The following AFMID variants were observed in gnomAD, a reference collection of about 807,000 sequenced individuals.
AFMID encodes kynurenine formamidase.
AFMID carries 39 observed loss-of-function variants against 47.5 expected under a neutral mutation model. The observed-to-expected ratio is 0.82, with a 90% confidence interval of 0.64 to 1.07. The LOEUF (loss-of-function observed/expected upper bound fraction) is 1.07. AFMID is among the 50% of genes least tolerant of loss of function. The probability of loss-of-function intolerance (pLI) is 0.00; values close to 1 mark genes in which losing one functional copy is unlikely to be tolerated. For missense variants in AFMID, 375 were observed against 387.5 expected (o/e 0.97, Z 0.27); for synonymous variants, 130 against 153.2 (o/e 0.85, Z 1.12).
chr17:78,187,904 A>T (rs2075841019), intron 1 of AFMID, among the ~76,000 whole-genome samples: 2 of 146,202 alleles, frequency 1.4e-5, no homozygotes, highest in Non-Finnish European at 3.0e-5. Context: ...GTGAGCCGAG[A>T]TCATGCCATT....
chr17:78,206,596 G>A (rs539894192), intron 10 of AFMID, among the ~76,000 whole-genome samples: 336 of 151,720 alleles, frequency 2.2e-3, no homozygotes, highest in African/African-American at 7.2e-3. Flanking sequence ...TTGTAGAGAT[G>A]GGGTCTCTCT....
intron 6 of AFMID, 71 bp from the exon 7 acceptor site, chr17:78,205,022 C>T: frequency 6.4e-7 from 1 of 1,561,254 alleles, no homozygotes; most frequent in Non-Finnish European, 8.8e-7. Flanking sequence ...CAAATTGGGA[C>T]TCTTCGAAGG....
At position 78,187,452 on chromosome 17, in the gene AFMID, G is replaced by A; in HGVS notation, c.63+19G>A. Reference sequence around the variant, plus strand: ...TGCAGAGGTAGGTGGATTGCAGGGAGGGACTAAGGGGCTGGGGCGGAGTTA... The same window carrying A: ...TGCAGAGGTAGGTGGATTGCAGGGAAGGACTAAGGGGCTGGGGCGGAGTTA... On this transcript the variant is annotated intron_variant, in intron 1 of 10. Transcript: ENST00000409257. 1.9e-6 allele frequency: 3 copies of A among 1,613,612 alleles called. No homozygotes were observed. The highest frequency in any genetic ancestry group is 2.5e-6 in the Non-Finnish European group (3 of 1,179,722).
intron 4 of AFMID, 119 bp from the exon 5 acceptor site, chr17:78,204,537 G>A (rs979057261): frequency 2.6e-5 from 24 of 927,474 alleles, no homozygotes; most frequent in Non-Finnish European, 3.6e-5. Context: ...TCTCACATGG[G>A]ACCAGAAAGG....
intron 4 of AFMID, chr17:78,203,055 C>CTTTTT (rs56016227): frequency 1.2e-4 from 13 of 111,124 alleles, no homozygotes; most frequent in African/African-American, 1.5e-4. Context: ...CTTCCTCTCT[C>CTTTTT]TTTTTTTTTT....
chr17:78,194,989 C>T (rs554489735), intron 2 of AFMID, among the ~76,000 whole-genome samples: 3 of 151,798 alleles, frequency 2.0e-5, no homozygotes, highest in Non-Finnish European at 4.4e-5. Flanking sequence ...CCACCGTACC[C>T]GGCCCAAAAA....
At chr17:78,192,084 C>T (rs1016779499) in intron 2 of AFMID, among the ~76,000 whole-genome samples, 8 of 151,028 alleles carry the variant, frequency 5.3e-5, no homozygotes, top group South Asian at 2.1e-4. Flanking sequence ...CCGCTAACTT[C>T]GCCTCCTGAG....
At chr17:78,192,191 A>G (rs763385169) in intron 2 of AFMID, among the ~76,000 whole-genome samples, 187 of 126,518 alleles carry the variant, frequency 1.5e-3, no homozygotes, top group Middle Eastern at 6.3e-3. Flanking sequence ...TTTTTTTTTT[A>G]GTAGAGATAT....
chr17:78,207,273 CTTTTTT>C lies in AFMID; in HGVS notation c.*359_*364del, dbSNP rs1163959276. ...ACGCTCAAAAGTAATGCCATTACTT[CTTTTTT>C]TTTTTTTTTTTTTTTTTTTTTTGAG... is the stretch of plus-strand genomic sequence containing the variant. On this transcript the variant is annotated 3_prime_UTR_variant, in exon 11 of 11. Transcript: ENST00000409257. The C allele has an allele frequency of 2.1e-3, 180 of 85,310 alleles. No individual in the cohort carries two copies. The highest frequency in any genetic ancestry group is 6.6e-3 in the South Asian group (33 of 5,012). The allele number at this position is 85,310 out of a possible 1,614,324, so 5.3% of individuals were successfully genotyped here. A position where few individuals can be genotyped will look rare whatever the true frequency, so the allele number is the denominator to read the frequency against.
rs774187523 is a variant in AFMID, at chr17:78,197,097, A to G, written c.155-5402A>G. 6.8e-6 allele frequency: 10 copies of G among 1,480,630 alleles called. No individual in the cohort carries two copies. The South Asian group carries it at 7.3e-5, about 11-fold the overall frequency. The allele number at this position is 1,480,630 out of a possible 1,614,324, so 91.7% of individuals were successfully genotyped here. On this transcript the variant is annotated intron_variant, in intron 2 of 10. Transcript: ENST00000409257. ...CCATTCCACTTAGAACATAAATTCC[A>G]TGATGTTTTTCTTAATCGTAGCACA...
chr17:78,202,829 C>A (rs2076282424), intron 4 of AFMID, 78 bp downstream of exon 4: 6 of 1,506,212 alleles, frequency 4.0e-6, no homozygotes, highest in Middle Eastern at 2.3e-4. Flanking sequence ...AGGGCTGCCG[C>A]AACCAAACTG....
At chr17:78,191,482 A>G (rs142522254) in intron 2 of AFMID, among the ~76,000 whole-genome samples, 14,229 of 152,094 alleles carry the variant, frequency 0.094, 1,316 homozygotes, top group African/African-American at 0.24. Context: ...CCAGGAGTTC[A>G]AGACCAGCCT....
chr17:78,188,684 C>T (rs2075872969), intron 1 of AFMID, among the ~76,000 whole-genome samples: 1 of 152,090 alleles, frequency 6.6e-6, no homozygotes, highest in East Asian at 1.9e-4. Context: ...GCAACCTCTT[C>T]TTCCAGGGTT....
At chr17:78,192,950 C>CA (rs1450415001) in intron 2 of AFMID, among the ~76,000 whole-genome samples, 1 of 152,162 alleles carries the variant, frequency 6.6e-6, no homozygotes, top group Non-Finnish European at 1.5e-5. Context: ...GCAATTCCAC[C>CA]ATCCTCCTGT....
chr17:78,198,301 T>C (rs1054135371), intron 2 of AFMID, among the ~76,000 whole-genome samples: 1 of 151,642 alleles, frequency 6.6e-6, no homozygotes, highest in Non-Finnish European at 1.5e-5. Context: ...TTACTAAAAA[T>C]ACAAAAATTC....
intron 4 of AFMID, chr17:78,204,023 C>CA (rs11308034): frequency 0.024 from 2,249 of 93,356 alleles, 72 homozygotes; most frequent in African/African-American, 0.079. Context: ...GACTCTGTCT[C>CA]AAAAAAAAAA....
At chr17:78,198,354 T>G (rs2076161746) in intron 2 of AFMID, among the ~76,000 whole-genome samples, 1 of 151,628 alleles carries the variant, frequency 6.6e-6, no homozygotes, top group African/African-American at 2.4e-5. Flanking sequence ...ATCCCAGCAC[T>G]TTGGGAGGCC....
intron 2 of AFMID, among the ~76,000 whole-genome samples, 158 bp from the exon 3 acceptor site, chr17:78,202,341 A>C (rs2076265288): frequency 6.6e-6 from 1 of 151,996 alleles, no homozygotes; most frequent in Non-Finnish European, 1.5e-5. Flanking sequence ...AGGCAGGAGA[A>C]TCGCTTGAAC....
intron 2 of AFMID, among the ~76,000 whole-genome samples, chr17:78,195,958 G>A (rs2076101519): frequency 6.6e-6 from 1 of 152,138 alleles, no homozygotes; most frequent in Non-Finnish European, 1.5e-5. Context: ...CCATTCTCCT[G>A]CCTCAGCCAC....
Sources: gnomAD v4.1 joint callset for allele counts (sites outside exome capture counted in the v4.1 genomes callset) on GRCh38, gnomAD v4.1.1 for gene constraint, MANE v1.5 for transcripts, NCBI Gene and HGNC (gene_info 2026-07-23, HGNC 2026-07-21) for gene names.